Variants in TCF3 observed in about 807,000 individuals in gnomAD.
The protein encoded by TCF3 is transcription factor 3.
Under a neutral mutation model 72.3 loss-of-function variants are expected in TCF3, and 54 were observed. The ratio of observed to expected loss-of-function variants is 0.75; its 90% CI spans 0.60 to 0.94. The LOEUF is 0.94. TCF3 is among the 40% of genes least tolerant of loss of function. The pLI is 0.00. For missense variants in TCF3, 1,078 were observed against 934.4 expected (o/e 1.15, Z -2.00); for synonymous variants, 525 against 412.6 (o/e 1.27, Z -3.30).
At chr19:1,651,604 T>C (rs2067074712) in intron 1 of TCF3, among the ~76,000 whole-genome samples, 1 of 152,090 alleles carries the variant, frequency 6.6e-6, no homozygotes, top group African/African-American at 2.4e-5. Context: ...ACTTGGAGAA[T>C]GTTTGAAGCC....
rs755445704 is a variant in TCF3 at position 1,623,965 on chromosome 19, C to T, written c.535G>A (p.Gly179Ser). ...GTGCGACTCACCGAGGATGGAAGAC[C>T]CGGCGGGACCTTCCGGACCTTCTTG... ...QPKKVRKVPPGLPSSVYPPSS... is the reference protein window; with the variant it reads ...QPKKVRKVPPSLPSSVYPPSS... The change falls in exon 8 of 19, where the codon GGT (glycine) becomes AGT (serine). Residue 179 changes from glycine (G) to serine (S), a missense_variant. Gly to Ser is a moderately conservative substitution (Grantham distance 56, BLOSUM62 0). Coordinates refer to ENST00000262965, the MANE Select transcript of TCF3 (RefSeq NM_003200.5). 1.9e-6 allele frequency: 3 copies of T among 1,613,398 alleles called. No homozygotes were observed. In the East Asian group the frequency reaches 6.7e-5, roughly 36 times the overall value.
chr19:1,620,929 C>G, intron 13 of TCF3, 39 bp downstream of exon 13: 1 of 1,442,498 alleles, frequency 6.9e-7, no homozygotes, highest in Non-Finnish European at 9.1e-7. Context: ...CAAACCCTCA[C>G]AGACCTCAGC....
At position 1,615,539 on chromosome 19, in the gene TCF3, G is replaced by A. The variant is rs763532777; in HGVS notation, c.1587-19C>T. ...GTCTGGGCTATGGGGAGGGCGCCGG[G>A]AGGGGGCCAGAGGGAGACAGTGAGG... On this transcript the variant is annotated intron_variant, in intron 17 of 18. Coordinates refer to ENST00000262965, the MANE Select transcript of TCF3 (RefSeq NM_003200.5). This position sits in a 1 kb window ranked among gnomAD's most constrained non-coding sequence, Gnocchi z 7.3. 6.2e-7 allele frequency: 1 copy of A among 1,604,902 alleles called. No homozygotes were observed. The highest frequency in any genetic ancestry group is 8.5e-7 in the Non-Finnish European group (1 of 1,179,762).
intron 3 of TCF3, among the ~76,000 whole-genome samples, chr19:1,637,599 C>T (rs1327123815): frequency 6.6e-6 from 1 of 152,148 alleles, no homozygotes; most frequent in Non-Finnish European, 1.5e-5. Flanking sequence ...AGAACCTGCC[C>T]CTCAAAACAA....
chr19:1,616,178 A>G (rs1171198007), intron 16 of TCF3, among the ~76,000 whole-genome samples: 1 of 152,062 alleles, frequency 6.6e-6, no homozygotes, highest in African/African-American at 2.4e-5. Context: ...AATATGGAAC[A>G]CTTCGGATGG....
intron 5 of TCF3, among the ~76,000 whole-genome samples, chr19:1,627,729 A>C (rs1165096935): frequency 2.6e-5 from 4 of 152,134 alleles, no homozygotes; most frequent in Non-Finnish European, 5.9e-5. Flanking sequence ...AGCCCACAGA[A>C]GCCCTGCCCA....
intron 5 of TCF3, among the ~76,000 whole-genome samples, chr19:1,631,700 C>T (rs1568432313): frequency 6.6e-6 from 1 of 152,242 alleles, no homozygotes; most frequent in Non-Finnish European, 1.5e-5. Flanking sequence ...ACTCCTACGC[C>T]TCCTTCCCAG....
At position 1,609,827 on chromosome 19, in the gene TCF3, G is replaced by A. The variant is rs2060865294; in HGVS notation, c.*1880C>T. 1 of 231,910 alleles carries A rather than the reference G, an allele frequency of 4.3e-6. No homozygotes were observed. The highest frequency in any genetic ancestry group is 8.5e-6 in the Non-Finnish European group (1 of 117,342). 14.4% of individuals were successfully genotyped at this position (231,910 alleles called of 1,614,324 possible). A position where few individuals can be genotyped will look rare whatever the true frequency, so the allele number is the denominator to read the frequency against. On this transcript the variant is annotated 3_prime_UTR_variant, in exon 19 of 19. Coordinates refer to ENST00000262965, the MANE Select transcript of TCF3 (RefSeq NM_003200.5). ...CAAGCCAGTCTGGGGAGGGGAGTCA[G>A]GCAGTCCAGGATCTCCTGGGGGTAA...
In TCF3 at chr19:1,615,946, A is replaced by C; in HGVS notation, c.1451-125T>G. ...AACCAGGTCTTGGCCAAAAATAAAA[A>C]CAAAAAACCAACAACCAGAACTGGA... On this transcript the variant is annotated intron_variant, in intron 16 of 18. Transcript: ENST00000262965. The surrounding 1 kb of genome is among the most constrained non-coding windows in gnomAD (Gnocchi z 7.3). The C allele has an allele frequency of 8.1e-7, 1 of 1,232,132 alleles. No homozygotes were observed. Among genetic ancestry groups the C allele is most frequent in the African/African-American group, 1.5e-5 (1 of 66,210 alleles). The allele number at this position is 1,232,132 out of a possible 1,614,324, so 76.3% of individuals were successfully genotyped here.
Position 1,611,749 on chromosome 19 carries a change from G to T in TCF3, c.1923C>A (p.His641Gln), listed in dbSNP as rs763400976. ...GGTTGTGGGCTTCGCTCAGGCCTGG[G>T]TGGGGAGCTGAAAGCACCATCTGGG... ...GDPQMVLSAP[H>Q]PGLSEAHNPA... is the part of the protein sequence containing the mutation. Residue 641 changes from histidine to glutamine, a missense_variant, in exon 19 of 19, where the codon CAC becomes CAA. His to Gln is a conservative substitution (Grantham distance 24). Transcript: ENST00000262965. 6 of 1,613,734 alleles carry T rather than the reference G, an allele frequency of 3.7e-6. No homozygotes were observed. In the East Asian group the frequency reaches 1.1e-4, roughly 30 times the overall value.
At chr19:1,648,500 C>G (rs971382515) in intron 2 of TCF3, among the ~76,000 whole-genome samples, 5 of 152,170 alleles carry the variant, frequency 3.3e-5, no homozygotes, top group Admixed American at 6.5e-5. Context: ...CCCCTCCCCC[C>G]AAACGCTGGT....
chr19:1,652,073 G>A (rs2067196127), intron 1 of TCF3, among the ~76,000 whole-genome samples: 1 of 150,496 alleles, frequency 6.6e-6, no homozygotes, highest in Admixed American at 6.6e-5. Flanking sequence ...GCCCGACGGG[G>A]GCGACGCGGG....
chr19:1,623,677 C>A (rs1251853349), intron 8 of TCF3, among the ~76,000 whole-genome samples: 1 of 152,202 alleles, frequency 6.6e-6, no homozygotes, highest in Non-Finnish European at 1.5e-5. Flanking sequence ...AGCCACCACA[C>A]CCAGCACAAT....
At chr19:1,618,068 C>T (rs1380973015) in intron 16 of TCF3, among the ~76,000 whole-genome samples, 1 of 152,086 alleles carries the variant, frequency 6.6e-6, no homozygotes, top group East Asian at 1.9e-4. Flanking sequence ...TCTCCTGGGC[C>T]TCTCATGGGT....
chr19:1,612,257 A>G, intron 18 of TCF3: 1 of 1,610,662 alleles, frequency 6.2e-7, no homozygotes, highest in Non-Finnish European at 8.5e-7. Context: ...CTGCTGCAGG[A>G]TGAGCAGCTT....
chr19:1,624,776 A>G (rs1208725051), intron 7 of TCF3, among the ~76,000 whole-genome samples: 2 of 152,232 alleles, frequency 1.3e-5, no homozygotes, highest in Non-Finnish European at 2.9e-5. Context: ...CTCCTCCCGC[A>G]TCATGGGGCT....
rs772529012 is a variant in TCF3, at chr19:1,620,980, G to T, written c.1081C>A (p.Gln361Lys). 14 of 1,509,442 alleles carry T rather than the reference G, an allele frequency of 9.3e-6. No individual in the cohort carries two copies. The African/African-American group carries it at 1.6e-4, about 17-fold the overall frequency. The allele number at this position is 1,509,442 out of a possible 1,614,324, so 93.5% of individuals were successfully genotyped here. Residue 361 changes from glutamine to lysine, a missense_variant, in exon 13 of 19, where the codon CAG becomes AAG. Physicochemically the swap from Gln to Lys is moderately conservative, Grantham distance 53. Coordinates refer to ENST00000262965, the MANE Select transcript of TCF3 (RefSeq NM_003200.5). ...AACCCTCACAGACCTGCCAGGCCCT[G>T]GGGGGAGCCCACGGGGGTAGAAGGG... ...SSPSTPVGSPQGLAGTSQWPR... is the reference protein window; with the variant it reads ...SSPSTPVGSPKGLAGTSQWPR...
chr19:1,624,541 G>C (rs928768953), intron 7 of TCF3, among the ~76,000 whole-genome samples: 1 of 152,232 alleles, frequency 6.6e-6, no homozygotes, highest in Admixed American at 6.5e-5. Context: ...CCAAGGCTCT[G>C]CTGAGAAGCC....
At chr19:1,613,517 G>A (rs1179889466) in intron 18 of TCF3, among the ~76,000 whole-genome samples, 19 of 152,170 alleles carry the variant, frequency 1.2e-4, no homozygotes, top group Non-Finnish European at 2.9e-5. Context: ...CTCCCAAGAT[G>A]ATGACTTTCC....
Sources: allele counts gnomAD v4.1 joint callset (sites outside exome capture counted in the v4.1 genomes callset), GRCh38; gene constraint gnomAD v4.1.1; non-coding constraint Gnocchi (gnomAD v3.1); transcripts MANE v1.5; gene names NCBI Gene and HGNC (gene_info 2026-07-23, HGNC 2026-07-21).